Variants in PRDM5 observed in about 807,000 individuals in gnomAD.
The protein encoded by PRDM5 is PR/SET domain 5, also known as PR domain zinc finger protein 5.
A neutral mutation model predicts 81.2 loss-of-function variants in PRDM5; 56 were observed. The ratio of observed to expected loss-of-function variants is 0.69; its 90% CI spans 0.56 to 0.86. The LOEUF is 0.86. PRDM5 is among the 40% of genes least tolerant of loss of function. The pLI is 0.00. For synonymous variants in PRDM5, 267 were observed against 256.4 expected (o/e 1.04, Z -0.39); for missense variants, 697 against 770.1 (o/e 0.91, Z 1.12).
rs139273495 is a variant in PRDM5 at position 120,722,823 on chromosome 4, C to G, written c.1624-12410G>C. On this transcript the variant is annotated intron_variant, in intron 14 of 15. Transcript: ENST00000264808. ...CTCTTCTGCCTGTTGATACAGACCA[C>G]ATAAGGAGAGGCTGCTGGAGCTGCT... 3.6e-3 allele frequency among the ~76,000 whole-genome samples: 545 copies of G among 152,250 alleles called. 1 individual carries two copies. Among genetic ancestry groups the G allele is most frequent in the African/African-American group, 0.012 (510 of 41,550 alleles).
chr4:120,701,780 T>C lies in PRDM5; in HGVS notation c.1729-6505A>G, dbSNP rs563330457. Among the ~76,000 whole-genome samples the C allele has an allele frequency of 1.9e-4, 29 of 152,110 alleles. 1 individual carries two copies. The highest frequency in any genetic ancestry group is 1.6e-3 in the Admixed American group (24 of 15,272). On this transcript the variant is annotated intron_variant, in intron 15 of 15. Coordinates refer to ENST00000264808, the MANE Select transcript of PRDM5 (RefSeq NM_018699.4). ...ACCTCAGTATCATGCAATATACCCA[T>C]GTACAACAAACCTGCAGATGTACTC...
At chr4:120,717,207 A>G (rs1439254071) in intron 14 of PRDM5, among the ~76,000 whole-genome samples, 1 of 152,230 alleles carries the variant, frequency 6.6e-6, no homozygotes, top group East Asian at 1.9e-4. Context: ...GAATGATTAC[A>G]TAGTTTAACT....
chr4:120,704,466 T>C (rs1319530284), intron 15 of PRDM5, among the ~76,000 whole-genome samples: 1 of 152,206 alleles, frequency 6.6e-6, no homozygotes, highest in Non-Finnish European at 1.5e-5. Flanking sequence ...TAGGAAAATA[T>C]TTATTCTTAC....
intron 2 of PRDM5, among the ~76,000 whole-genome samples, chr4:120,886,187 T>C (rs1215417217): frequency 6.6e-6 from 1 of 152,220 alleles, no homozygotes; most frequent in Admixed American, 6.5e-5. Context: ...AGGTCTACAC[T>C]AAGTGGTTCC....
At chr4:120,794,746 C>A (rs1751106725) in intron 10 of PRDM5, among the ~76,000 whole-genome samples, 5 of 152,040 alleles carry the variant, frequency 3.3e-5, no homozygotes, top group Admixed American at 3.3e-4. Flanking sequence ...GCCTCAGCCT[C>A]CTGAGTAGCT....
At chr4:120,704,677 T>C (rs544292103) in intron 15 of PRDM5, among the ~76,000 whole-genome samples, 1 of 152,278 alleles carries the variant, frequency 6.6e-6, no homozygotes, top group East Asian at 1.9e-4. Context: ...TGGAAACATT[T>C]GTAAAGTCAC....
chr4:120,721,380 T>C (rs1738578972), intron 14 of PRDM5, among the ~76,000 whole-genome samples: 1 of 152,320 alleles, frequency 6.6e-6, no homozygotes, highest in South Asian at 2.1e-4. Context: ...GGACAGGCAC[T>C]AGCTTTTTAA....
chr4:120,688,626 C>T (rs890103861), downstream of PRDM5, among the ~76,000 whole-genome samples: 1 of 152,054 alleles, frequency 6.6e-6, no homozygotes, highest in African/African-American at 2.4e-5. Flanking sequence ...TTTAGATCTT[C>T]AATCCATTTT....
In PRDM5 at chr4:120,741,455, T is replaced by C. The variant is rs151154462; in HGVS notation, c.1623+13098A>G. On this transcript the variant is annotated intron_variant, in intron 14 of 15. Transcript: ENST00000264808. ...TGGCCGAATAGGAACAGCTCTGGTC[T>C]ACAGCTCCCAGCCTGAACCACGCAG... 9.7e-3 allele frequency among the ~76,000 whole-genome samples: 1,469 copies of C among 151,914 alleles called. 27 individuals are homozygous for C. The highest frequency in any genetic ancestry group is 0.034 in the African/African-American group (1,390 of 41,454).
intron 8 of PRDM5, among the ~76,000 whole-genome samples, chr4:120,808,481 A>G (rs143169649): frequency 0.019 from 2,858 of 152,244 alleles, 42 homozygotes; most frequent in Non-Finnish European, 0.032. Flanking sequence ...TGGTGTATTT[A>G]CAATCCCTTA....
chr4:120,903,704 C>A (rs1488711301), intron 2 of PRDM5, among the ~76,000 whole-genome samples: 1 of 152,160 alleles, frequency 6.6e-6, no homozygotes, highest in Non-Finnish European at 1.5e-5. Flanking sequence ...ATAATTAAAT[C>A]ATTGGGGCAG....
At chr4:120,860,989 C>G (rs773209775) in intron 2 of PRDM5, among the ~76,000 whole-genome samples, 5 of 152,130 alleles carry the variant, frequency 3.3e-5, no homozygotes, top group African/African-American at 1.2e-4. Context: ...AGACTTCTAG[C>G]CTTATAGTCA....
intron 12 of PRDM5, among the ~76,000 whole-genome samples, chr4:120,780,355 G>T (rs1335064338): frequency 3.3e-5 from 5 of 151,896 alleles, no homozygotes; most frequent in African/African-American, 1.2e-4. Flanking sequence ...TCAACAGGAG[G>T]ATCACTTGAG....
intron 2 of PRDM5, among the ~76,000 whole-genome samples, chr4:120,894,645 A>G (rs1764418354): frequency 6.6e-6 from 1 of 152,242 alleles, no homozygotes; most frequent in Non-Finnish European, 1.5e-5. Flanking sequence ...CTTTATTGTA[A>G]AAACAAAAGA....
chr4:120,886,581 C>T (rs1763454607), intron 2 of PRDM5, among the ~76,000 whole-genome samples: 1 of 152,092 alleles, frequency 6.6e-6, no homozygotes, highest in African/African-American at 2.4e-5. Context: ...GGAAGTTAAT[C>T]AGTTGTTTCC....
chr4:120,849,203 A>AT (rs1421809921), intron 3 of PRDM5, among the ~76,000 whole-genome samples: 3 of 152,160 alleles, frequency 2.0e-5, no homozygotes, highest in Admixed American at 1.3e-4. Context: ...ACAATGGAGA[A>AT]TGTCTTATCT....
intron 14 of PRDM5, among the ~76,000 whole-genome samples, chr4:120,718,261 A>G (rs1363043961): frequency 6.6e-6 from 1 of 152,336 alleles, no homozygotes; most frequent in Non-Finnish European, 1.5e-5. Context: ...AGAGAAGCTT[A>G]TCAAAGAGGA....
intron 10 of PRDM5, among the ~76,000 whole-genome samples, chr4:120,795,758 C>T (rs545132085): frequency 6.6e-6 from 1 of 152,026 alleles, no homozygotes; most frequent in East Asian, 2.0e-4. Context: ...ATTAAAAATA[C>T]AAAAATTAGC....
chr4:120,761,211 G>A (rs755785987), intron 13 of PRDM5, among the ~76,000 whole-genome samples: 2 of 152,126 alleles, frequency 1.3e-5, no homozygotes, highest in South Asian at 2.1e-4. Flanking sequence ...TCAGAAAACA[G>A]CTCCAGAAAA....
Sources: allele counts gnomAD v4.1 joint callset (sites outside exome capture counted in the v4.1 genomes callset), GRCh38; gene constraint gnomAD v4.1.1; transcripts MANE v1.5; gene names NCBI Gene and HGNC (gene_info 2026-07-23, HGNC 2026-07-21).